Variants in TPCN1 observed in about 807,000 individuals in gnomAD.
TPCN1 encodes two pore channel protein 1.
A neutral mutation model predicts 108.8 loss-of-function variants in TPCN1; 52 were observed. The observed-to-expected ratio is 0.48, with a 90% CI of 0.38 to 0.60. The LOEUF (loss-of-function observed/expected upper bound fraction) is 0.60. Among genes scored for constraint, TPCN1 ranks in the 20% least tolerant of loss-of-function variants. The pLI is 0.00. For synonymous variants in TPCN1, 446 were observed against 433.7 expected, an observed-to-expected ratio of 1.03 and a Z score of -0.35; for missense variants, 806 against 1,072.8, an observed-to-expected ratio of 0.75 and a Z score of 3.47.
At position 113,272,699 on chromosome 12, in the gene TPCN1, A is replaced by C; in HGVS notation, c.783+7A>C. ...CCCTAACCCTTCAGACCCCGTAAGT[A>C]ATCAGCACATTTGTCCGTCTCTTCT... On this transcript the variant is annotated splice_region_variant and intron_variant, in intron 8 of 27. Coordinates refer to ENST00000335509, the MANE Select transcript of TPCN1 (RefSeq NM_017901.6). The surrounding 1 kb of genome is among the most constrained non-coding windows in gnomAD (Gnocchi z 4.1). 1 of 1,613,294 alleles carries C rather than the reference A, an allele frequency of 6.2e-7. No individual in the cohort carries two copies. The highest frequency in any genetic ancestry group is 8.5e-7 in the Non-Finnish European group (1 of 1,179,182).
At chr12:113,291,023 G>C (rs770257060) in intron 23 of TPCN1, 25 bp downstream of exon 23, 4 of 1,611,688 alleles carry the variant, frequency 2.5e-6, no homozygotes, top group Non-Finnish European at 3.4e-6. Context: ...AGCTCTGGGG[G>C]TATCTTCCCG....
chr12:113,278,142 G>A (rs778775091), intron 12 of TPCN1, 47 bp from the exon 13 acceptor site: 1 of 1,553,212 alleles, frequency 6.4e-7, no homozygotes, highest in South Asian at 1.1e-5. Flanking sequence ...AAAGCACAGT[G>A]GAACTATGTT....
At position 113,294,394 on chromosome 12, in the gene TPCN1, A is replaced by G. The variant is rs369621399; in HGVS notation, c.2334+1045A>G. 2.6e-5 allele frequency among the ~76,000 whole-genome samples: 4 copies of G among 152,278 alleles called. No individual in the cohort carries two copies. In the East Asian group the frequency reaches 5.8e-4, roughly 22 times the overall value. ...GTAATCCCAGCACTTTGGGAGGCCA[A>G]GGCAGGCGGATCACTTGATGCCAGG... On this transcript the variant is annotated intron_variant, in intron 27 of 27. Transcript: ENST00000335509.
Position 113,280,218 on chromosome 12 carries a change from C to G in TPCN1, c.1342+23C>G, listed in dbSNP as rs370171220. ...TGTGTAAGTGTGAAATATCTCCACT[C>G]TAGGCCACTTTCCCCCTGAGTCCTT... On this transcript the variant is annotated intron_variant, in intron 15 of 27. Coordinates refer to ENST00000335509, the MANE Select transcript of TPCN1 (RefSeq NM_017901.6). The G allele has an allele frequency of 5.0e-6, 8 of 1,601,226 alleles. No individual in the cohort carries two copies. The African/African-American group carries it at 6.7e-5, about 13-fold the overall frequency.
intron 2 of TPCN1, among the ~76,000 whole-genome samples, chr12:113,241,761 CGTGT>C (rs67580212): frequency 0.016 from 2,269 of 144,420 alleles, 38 homozygotes; most frequent in East Asian, 0.081. Context: ...CGTGCCTCTG[CGTGT>C]GTGTGTGTGT....
intron 2 of TPCN1, among the ~76,000 whole-genome samples, chr12:113,251,639 C>G (rs556798810): frequency 6.6e-6 from 1 of 152,366 alleles, no homozygotes; most frequent in South Asian, 2.1e-4. Flanking sequence ...CACCTGTTGC[C>G]TTCGGCGGCC....
intron 14 of TPCN1, 73 bp downstream of exon 14, chr12:113,278,908 G>T: frequency 7.2e-7 from 1 of 1,390,116 alleles, no homozygotes; most frequent in Non-Finnish European, 1.0e-6. Context: ...ACAGATAAGC[G>T]TCTGAGGAGA....
At chr12:113,247,330 C>T (rs1332632226) in intron 2 of TPCN1, among the ~76,000 whole-genome samples, 1 of 152,226 alleles carries the variant, frequency 6.6e-6, no homozygotes, top group Non-Finnish European at 1.5e-5. Context: ...TCACCAGGCT[C>T]ACATCCTGAC....
At chr12:113,277,181 G>A in intron 11 of TPCN1, 59 bp from the exon 12 acceptor site, 1 of 1,609,268 alleles carries the variant, frequency 6.2e-7, no homozygotes, top group South Asian at 1.1e-5. Context: ...GATCTGGAGT[G>A]GGTGCCCCAA....
chr12:113,292,082 T>C (rs528782076), intron 25 of TPCN1, 124 bp downstream of exon 25: 1 of 774,150 alleles, frequency 1.3e-6, no homozygotes, highest in East Asian at 2.5e-5. Context: ...GCTGTCCAGC[T>C]TATCTATCTG....
At chr12:113,270,485 G>T (rs866778460) in intron 7 of TPCN1, among the ~76,000 whole-genome samples, 2,531 of 142,508 alleles carry the variant, frequency 0.018, 55 homozygotes, top group African/African-American at 0.06. Context: ...GTTTTGTTTT[G>T]TTTTTTTTTT....
chr12:113,230,186 G>T (rs1024493348), intron 2 of TPCN1, among the ~76,000 whole-genome samples: 1 of 151,562 alleles, frequency 6.6e-6, no homozygotes, highest in East Asian at 1.9e-4. Flanking sequence ...TTCTGCTTCG[G>T]TATCTTGATT....
chr12:113,291,026 T>G (rs770971458), intron 23 of TPCN1, 28 bp downstream of exon 23: 7 of 1,611,282 alleles, frequency 4.3e-6, no homozygotes, highest in Non-Finnish European at 5.9e-6. Flanking sequence ...TCTGGGGGTA[T>G]CTTCCCGCCA....
At position 113,260,435 on chromosome 12, in the gene TPCN1, C is replaced by A. The variant is rs1243212567; in HGVS notation, c.180C>A (p.Pro60=). ...TCAGCTCTGGGGGTGAGAGTTCCCC[C>A]TCCAGCCCCGCACACAACTGGGAGA... ...PSLSSGGESS[P]SSPAHNWEMN... Residue 60 remains proline, a synonymous_variant, in exon 3 of 28, where the codon CCC becomes CCA. Coordinates refer to ENST00000335509, the MANE Select transcript of TPCN1 (RefSeq NM_017901.6). 1 of 1,557,992 alleles carries A rather than the reference C, an allele frequency of 6.4e-7. No homozygotes were observed. The highest frequency in any genetic ancestry group is 8.6e-7 in the Non-Finnish European group (1 of 1,156,426).
At chr12:113,292,301 C>A in intron 25 of TPCN1, 1 of 314,650 alleles carries the variant, frequency 3.2e-6, no homozygotes, top group Admixed American at 4.7e-5. Context: ...TTCTGTTAGT[C>A]ATCTCCACGT....
At chr12:113,294,727 G>A (rs186886103) in intron 27 of TPCN1, among the ~76,000 whole-genome samples, 13 of 151,982 alleles carry the variant, frequency 8.6e-5, no homozygotes, top group Admixed American at 8.5e-4. Flanking sequence ...ACAAAGCACC[G>A]TGTGGGCTGG....
In TPCN1 at chr12:113,269,747, C is replaced by T. The variant is rs1593162158; in HGVS notation, c.660-10C>T. ...TGGTGCCTCCCCTGAGCTGGCCCAT[C>T]TCTCCCCAGCAACCTGCGGCAGATC... On this transcript the variant is annotated splice_polypyrimidine_tract_variant and intron_variant, in intron 6 of 27. Coordinates refer to ENST00000335509, the MANE Select transcript of TPCN1 (RefSeq NM_017901.6). The surrounding 1 kb of genome is among the most constrained non-coding windows in gnomAD (Gnocchi z 5.0). The T allele has an allele frequency of 2.5e-6, 4 of 1,612,776 alleles. No homozygotes were observed. In the East Asian group the frequency reaches 8.9e-5, roughly 36 times the overall value.
At chr12:113,291,067 C>A in intron 23 of TPCN1, 69 bp downstream of exon 23, 1 of 1,415,182 alleles carries the variant, frequency 7.1e-7, no homozygotes, top group Non-Finnish European at 1.0e-6. Flanking sequence ...TCTCCCCCAA[C>A]CCAGAGTATA....
chr12:113,240,927 G>A (rs1954090711), intron 2 of TPCN1, among the ~76,000 whole-genome samples: 1 of 151,798 alleles, frequency 6.6e-6, no homozygotes. Flanking sequence ...TTGTATTTTT[G>A]TAGAGATGGG....
Sources: gnomAD v4.1 joint callset for allele counts (sites outside exome capture counted in the v4.1 genomes callset) on GRCh38, gnomAD v4.1.1 for gene constraint, Gnocchi (gnomAD v3.1) non-coding constraint, MANE v1.5 for transcripts, NCBI Gene and HGNC (gene_info 2026-07-23, HGNC 2026-07-21) for gene names.